Variants in NAA15 observed in about 807,000 individuals in gnomAD.
The protein encoded by NAA15 is N-alpha-acetyltransferase 15, NatA auxiliary subunit.
Under a neutral mutation model 114.0 loss-of-function variants are expected in NAA15, and 34 were observed. The ratio of observed to expected loss-of-function variants is 0.30; its 90% CI spans 0.23 to 0.40. NAA15 has a LOEUF of 0.40. NAA15 is among the 10% of genes least tolerant of loss of function. The pLI, the probability that NAA15 is intolerant of heterozygous loss-of-function variation, is 1.00. For synonymous variants in NAA15, 340 were observed against 338.0 expected (o/e 1.01, Z -0.06); for missense variants, 658 against 1,004.5 (o/e 0.66, Z 4.66).
Position 139,391,111 on chromosome 4 carries a change from G to T in NAA15, c.*3027G>T, listed in dbSNP as rs1242000442. ...TAATTAAAGCCTTAAATTTTGAAAT[G>T]AATCTTTGAGATTTCAAAGAAAGAC... is the stretch of plus-strand genomic sequence containing the variant. On this transcript the variant is annotated 3_prime_UTR_variant, in exon 20 of 20. Coordinates refer to ENST00000296543, the MANE Select transcript of NAA15 (RefSeq NM_057175.5). The T allele has an allele frequency of 6.6e-6, 1 of 152,188 alleles. No individual in the cohort carries two copies. The highest frequency in any genetic ancestry group is 1.5e-5 in the Non-Finnish European group (1 of 68,026). The allele number at this position is 152,188 out of a possible 1,614,324, so 9.4% of individuals were successfully genotyped here. A position where few individuals can be genotyped will look rare whatever the true frequency, so the allele number is the denominator to read the frequency against.
At chr4:139,311,812 A>G (rs879484086) in intron 1 of NAA15, among the ~76,000 whole-genome samples, 30 of 151,898 alleles carry the variant, frequency 2.0e-4, no homozygotes, top group Non-Finnish European at 4.0e-4. Context: ...ATAAAATGTT[A>G]GAAGAGCTGG....
chr4:139,320,621 A>G (rs777922378), intron 1 of NAA15, among the ~76,000 whole-genome samples: 41 of 152,110 alleles, frequency 2.7e-4, no homozygotes, highest in Non-Finnish European at 5.6e-4. Context: ...CCTGGGTTCA[A>G]GCGATTCTCC....
rs544019919 is a variant in NAA15, at chr4:139,315,013, T to G, written c.54+13182T>G. Among the ~76,000 whole-genome samples the G allele has an allele frequency of 8.0e-4, 105 of 132,040 alleles. 5 individuals are homozygous for G. Among genetic ancestry groups the G allele is most frequent in the Middle Eastern group, 3.7e-3 (1 of 270 alleles). 86.6% of individuals were successfully genotyped at this position (132,040 alleles called of 152,430 possible). A position where few individuals can be genotyped will look rare whatever the true frequency, so the allele number is the denominator to read the frequency against. On this transcript the variant is annotated intron_variant, in intron 1 of 19. Coordinates refer to ENST00000296543, the MANE Select transcript of NAA15 (RefSeq NM_057175.5). Reference sequence around the variant, plus strand: ...CAGTTCAGTTCAGTTTAGTTTAGGTTAGGTTAGGTTAGGTTAGGTTAGGTT... The same window carrying G: ...CAGTTCAGTTCAGTTTAGTTTAGGTGAGGTTAGGTTAGGTTAGGTTAGGTT...
chr4:139,305,879 CTGCTACTTTGTTAGT>C (rs1168646585), intron 1 of NAA15, among the ~76,000 whole-genome samples: 1 of 152,144 alleles, frequency 6.6e-6, no homozygotes, highest in Non-Finnish European at 1.5e-5. Flanking sequence ...AACTTTTGAG[CTGCTACTTTGTTAGT>C]TGTACTGTAC....
chr4:139,320,596 C>A (rs1190090834), intron 1 of NAA15, among the ~76,000 whole-genome samples: 1 of 152,178 alleles, frequency 6.6e-6, no homozygotes, highest in African/African-American at 2.4e-5. Flanking sequence ...TCTCGGCTCA[C>A]TGCAACCTCC....
intron 14 of NAA15, among the ~76,000 whole-genome samples, chr4:139,364,793 G>T (rs1300149986): frequency 6.6e-6 from 1 of 152,130 alleles, no homozygotes; most frequent in African/African-American, 2.4e-5. Flanking sequence ...TTGTCTTCCA[G>T]AAAGTTTCTG....
chr4:139,343,333 C>A (rs1747476106), intron 5 of NAA15, among the ~76,000 whole-genome samples: 1 of 152,156 alleles, frequency 6.6e-6, no homozygotes, highest in South Asian at 2.1e-4. Context: ...AAATTTAACA[C>A]TGATAGACTG....
chr4:139,305,490 T>C (rs1311324541), intron 1 of NAA15, among the ~76,000 whole-genome samples: 1 of 151,666 alleles, frequency 6.6e-6, no homozygotes, highest in Non-Finnish European at 1.5e-5. Context: ...GGACATAATG[T>C]GATGTGTGTG....
At chr4:139,315,656 A>C (rs924186191) in intron 1 of NAA15, among the ~76,000 whole-genome samples, 1 of 151,924 alleles carries the variant, frequency 6.6e-6, no homozygotes, top group African/African-American at 2.4e-5. Flanking sequence ...CACGTGTATT[A>C]TTAGTACTTG....
At chr4:139,322,949 C>G (rs1746669639) in intron 1 of NAA15, among the ~76,000 whole-genome samples, 1 of 151,646 alleles carries the variant, frequency 6.6e-6, no homozygotes. Flanking sequence ...CCTTGTCCTC[C>G]CCAATAGCTG....
intron 1 of NAA15, among the ~76,000 whole-genome samples, chr4:139,322,511 G>C (rs1008886347): frequency 1.3e-5 from 2 of 152,140 alleles, no homozygotes; most frequent in African/African-American, 4.8e-5. Context: ...CTGGATCTCT[G>C]CTGAATTCTG....
chr4:139,310,402 C>T (rs988164671), intron 1 of NAA15, among the ~76,000 whole-genome samples: 4 of 146,340 alleles, frequency 2.7e-5, no homozygotes, highest in Admixed American at 6.9e-5. Context: ...TGCAGTGAGC[C>T]GAGATCCCGC....
chr4:139,328,691 C>T (rs1746890393), intron 1 of NAA15, among the ~76,000 whole-genome samples: 2 of 151,616 alleles, frequency 1.3e-5, no homozygotes, highest in Admixed American at 1.3e-4. Context: ...CCTCAGCCTC[C>T]CGAGTAGCTG....
At chr4:139,362,317 G>C (rs1455374427) in intron 14 of NAA15, among the ~76,000 whole-genome samples, 2 of 152,168 alleles carry the variant, frequency 1.3e-5, no homozygotes, top group Non-Finnish European at 2.9e-5. Context: ...GTCTCGCTCT[G>C]TTTCCCATGC....
chr4:139,379,077 A>AC, intron 17 of NAA15: 1 of 340,188 alleles, frequency 2.9e-6, no homozygotes. Context: ...CAGATATTTG[A>AC]GAATCATCTT....
At chr4:139,348,033 C>T (rs1579112462) in intron 6 of NAA15, among the ~76,000 whole-genome samples, 7 of 140,048 alleles carry the variant, frequency 5.0e-5, no homozygotes, top group South Asian at 4.5e-4. Flanking sequence ...AGCGAGACTC[C>T]GTCTCAAAAA....
chr4:139,315,525 A>G (rs1746382650), intron 1 of NAA15, among the ~76,000 whole-genome samples: 1 of 151,878 alleles, frequency 6.6e-6, no homozygotes, highest in African/African-American at 2.4e-5. Context: ...CTCAAGAACA[A>G]CAATAACAAC....
At chr4:139,382,222 G>T (rs1393256154) in intron 17 of NAA15, among the ~76,000 whole-genome samples, 5 of 151,880 alleles carry the variant, frequency 3.3e-5, no homozygotes, top group Non-Finnish European at 7.4e-5. Context: ...TTTTGTAATT[G>T]ATATTTTCCT....
intron 19 of NAA15, 65 bp from the exon 20 acceptor site, chr4:139,387,819 C>T (rs1390596950): frequency 1.6e-6 from 2 of 1,240,732 alleles, no homozygotes; most frequent in Admixed American, 4.1e-5. Context: ...GTTGAAATGT[C>T]TAATAAATTC....
Sources: allele counts gnomAD v4.1 joint callset (sites outside exome capture counted in the v4.1 genomes callset), GRCh38; gene constraint gnomAD v4.1.1; transcripts MANE v1.5; gene names NCBI Gene and HGNC (gene_info 2026-07-23, HGNC 2026-07-21).